CSNK1A1: variants seen among roughly 807,000 people sequenced by gnomAD.
CSNK1A1 encodes casein kinase 1 alpha 1.
In CSNK1A1, 7 loss-of-function variants were observed where a neutral mutation model predicts 46.1. The ratio of observed to expected loss-of-function variants is 0.15; its 90% CI spans 0.09 to 0.29. CSNK1A1 has a LOEUF of 0.29. CSNK1A1 is among the 10% of genes least tolerant of loss of function. The pLI, the probability that CSNK1A1 is intolerant of heterozygous loss-of-function variation, is 1.00. For synonymous variants in CSNK1A1, 137 were observed against 141.5 expected (o/e 0.97, Z 0.23); for missense variants, 96 against 417.1 (o/e 0.23, Z 6.71).
intron 2 of CSNK1A1, among the ~76,000 whole-genome samples, chr5:149,536,227 AC>A (rs1473357342): frequency 6.6e-6 from 1 of 152,212 alleles, no homozygotes; most frequent in Non-Finnish European, 1.5e-5. Flanking sequence ...TGCTAGGATT[AC>A]AGGAGTGAGC....
intron 2 of CSNK1A1, among the ~76,000 whole-genome samples, chr5:149,535,739 T>G (rs914126397): frequency 1.3e-5 from 2 of 152,152 alleles, no homozygotes; most frequent in Non-Finnish European, 2.9e-5. Context: ...CCTCCCAGAT[T>G]CAAGCGATTC....
intron 2 of CSNK1A1, chr5:149,549,553 G>C (rs899324458): frequency 2.9e-6 from 2 of 700,292 alleles, no homozygotes; most frequent in Non-Finnish European, 5.2e-6. Context: ...GTGAACTCAA[G>C]CTGAGAAAAG....
chr5:149,510,180 G>A (rs1227252626), intron 6 of CSNK1A1, among the ~76,000 whole-genome samples: 1 of 152,216 alleles, frequency 6.6e-6, no homozygotes, highest in African/African-American at 2.4e-5. Flanking sequence ...TAGGGAAAGG[G>A]TGAGTCTAAT....
chr5:149,542,642 A>G (rs1447221061), intron 2 of CSNK1A1, among the ~76,000 whole-genome samples: 47 of 3,736 alleles, frequency 0.013, 3 homozygotes, highest in African/African-American at 0.066. Flanking sequence ...ATATATATGT[A>G]TATATATATA....
chr5:149,513,288 A>G (rs1761287549), intron 4 of CSNK1A1, 79 bp from the exon 5 acceptor site: 1 of 1,280,140 alleles, frequency 7.8e-7, no homozygotes, highest in African/African-American at 1.5e-5. Flanking sequence ...AATGGTATCT[A>G]TTCTATGCAT....
At position 149,495,926 on chromosome 5, in the gene CSNK1A1, T is replaced by C. The variant is rs770481237; in HGVS notation, c.*927A>G. On this transcript the variant is annotated 3_prime_UTR_variant, in exon 10 of 10. Transcript: ENST00000377843. ...AGTCTATCAAAAAATTGGGGAGATT[T>C]TTATTTAATAGTGAGTCAGCAAGGC... 21 of 152,578 alleles carry C rather than the reference T, an allele frequency of 1.4e-4. No homozygotes were observed. The highest frequency in any genetic ancestry group is 3.2e-3 in the Middle Eastern group (1 of 316). The allele number at this position is 152,578 out of a possible 1,614,324, so 9.5% of individuals were successfully genotyped here.
At chr5:149,534,478 G>C (rs538004141) in intron 2 of CSNK1A1, among the ~76,000 whole-genome samples, 1 of 49,462 alleles carries the variant, frequency 2.0e-5, no homozygotes, top group African/African-American at 9.6e-5. Context: ...GCGAGACTCT[G>C]TCTCAAAAAA....
At chr5:149,532,791 A>G (rs930305844) in intron 2 of CSNK1A1, among the ~76,000 whole-genome samples, 3 of 152,182 alleles carry the variant, frequency 2.0e-5, no homozygotes, top group African/African-American at 7.2e-5. Flanking sequence ...GAAATACTAG[A>G]TTTGAGTGAG....
rs919023186 is a variant in CSNK1A1, at chr5:149,501,870, T to C, written c.1006+3577A>G. On this transcript the variant is annotated intron_variant, in intron 9 of 9. Transcript: ENST00000377843. ...TCACATATAGTCAAAGGGAGTGAAA[T>C]AAATTTCGAAGTGTGTTGGGTGTGA... The C allele has an allele frequency of 5.1e-6, 5 of 972,786 alleles. No homozygotes were observed. The African/African-American group carries it at 8.8e-5, about 17-fold the overall frequency. The allele number at this position is 972,786 out of a possible 1,614,324, so 60.3% of individuals were successfully genotyped here.
chr5:149,522,259 G>A (rs891968569), intron 3 of CSNK1A1, among the ~76,000 whole-genome samples: 25 of 151,872 alleles, frequency 1.6e-4, no homozygotes, highest in African/African-American at 5.8e-4. Flanking sequence ...GGACATGCGC[G>A]TTACCATGCC....
At chr5:149,501,743 T>C (rs1008256874) in intron 9 of CSNK1A1, 2 of 985,250 alleles carry the variant, frequency 2.0e-6, no homozygotes, top group African/African-American at 3.5e-5. Flanking sequence ...CTGCCTGCCC[T>C]CAATTAAAGA....
In CSNK1A1 at chr5:149,509,972, TA is replaced by T; in HGVS notation, c.676-20del. On this transcript the variant is annotated intron_variant, in intron 6 of 9. Coordinates refer to ENST00000377843, the MANE Select transcript of CSNK1A1 (RefSeq NM_001892.6). The stretch of plus-strand genomic sequence containing the variant: ...TTGCAGCCTGTGGAAAAGAATAAAA[TA>T]AAAAAGATATACTCAGTGCTACTGA... 6.5e-7 allele frequency: 1 copy of T among 1,541,522 alleles called. No individual in the cohort carries two copies. Among genetic ancestry groups the T allele is most frequent in the Non-Finnish European group, 8.9e-7 (1 of 1,125,456 alleles).
intron 9 of CSNK1A1, among the ~76,000 whole-genome samples, chr5:149,500,160 T>TG (rs1167582127): frequency 8.8e-6 from 1 of 113,462 alleles, no homozygotes; most frequent in Non-Finnish European, 1.8e-5. Flanking sequence ...TTTTTTGAGA[T>TG]GGAGTCTTGC....
chr5:149,531,947 G>C (rs954142464), intron 2 of CSNK1A1, among the ~76,000 whole-genome samples: 1 of 152,180 alleles, frequency 6.6e-6, no homozygotes, highest in East Asian at 1.9e-4. Context: ...GCAATGGTGT[G>C]ATCTTGGTTC....
At chr5:149,549,196 G>A (rs1762579741) in intron 2 of CSNK1A1, 3 of 404,976 alleles carry the variant, frequency 7.4e-6, no homozygotes, top group Non-Finnish European at 1.4e-5. Context: ...GTGGCTAAGT[G>A]ATTAAGATTT....
chr5:149,542,624 A>G (rs182861896), intron 2 of CSNK1A1, among the ~76,000 whole-genome samples: 52 of 13,686 alleles, frequency 3.8e-3, no homozygotes, highest in African/African-American at 0.024. Context: ...ATATATATAT[A>G]TATATATATA....
chr5:149,548,372 G>A (rs1227184639), intron 2 of CSNK1A1, among the ~76,000 whole-genome samples: 1 of 151,574 alleles, frequency 6.6e-6, no homozygotes, highest in Admixed American at 6.6e-5. Context: ...GTGGAGACCA[G>A]CCTGGCCAAC....
Position 149,505,503 on chromosome 5 carries a change from TGACCCTGCCCACTG to T in CSNK1A1, c.936_949del (p.Ser313AlafsTer11). 1 of 1,614,204 alleles carries T rather than the reference TGACCCTGCCCACTG, an allele frequency of 6.2e-7. No homozygotes were observed. The highest frequency in any genetic ancestry group is 8.5e-7 in the Non-Finnish European group (1 of 1,180,036). On this transcript the variant is annotated frameshift_variant, in exon 9 of 10. Transcript: ENST00000377843. LOFTEE classifies it high-confidence loss of function. The stretch of plus-strand genomic sequence containing the variant: ...CTTGCCTGTGGGGGTTTGGGCCTGC[TGACCCTGCCCACTG>T]GAAGAGGCTGCCTGCTGTGCTGCTT...
intron 2 of CSNK1A1, among the ~76,000 whole-genome samples, chr5:149,545,202 CTG>C (rs879670905): frequency 3.3e-5 from 5 of 152,064 alleles, no homozygotes; most frequent in Admixed American, 6.6e-5. Flanking sequence ...CAAGGGTCAA[CTG>C]TAATTTTAAG....
Sources: gnomAD v4.1 joint callset for allele counts (sites outside exome capture counted in the v4.1 genomes callset) on GRCh38, gnomAD v4.1.1 for gene constraint, MANE v1.5 for transcripts, NCBI Gene and HGNC (gene_info 2026-07-23, HGNC 2026-07-21) for gene names.